The following OR52B2 variants were observed in gnomAD, a reference collection of about 807,000 sequenced individuals.
OR52B2 encodes olfactory receptor family 52 subfamily B member 2.
Under a neutral mutation model 12.8 loss-of-function variants are expected in OR52B2, and 16 were observed. The ratio of observed to expected loss-of-function variants is 1.25; its 90% confidence interval spans 0.85 to 1.90. The LOEUF (loss-of-function observed/expected upper bound fraction) is 1.90, where lower values mean the gene tolerates loss of function less well. OR52B2 is among the 40% of genes most tolerant of loss of function. OR52B2 has a pLI of 0.00. For missense variants in OR52B2, 465 were observed against 407.8 expected (o/e 1.14, Z -1.21); for synonymous variants, 169 against 152.2 (o/e 1.11, Z -0.81).
At position 6,169,695 on chromosome 11, in the gene OR52B2, A is replaced by G. The variant is rs1398363151; in HGVS notation, c.632T>C (p.Leu211Ser). 10 of 1,613,700 alleles carry G rather than the reference A, an allele frequency of 6.2e-6. No homozygotes were observed. Among genetic ancestry groups the G allele is most frequent in the Non-Finnish European group, 7.6e-6 (9 of 1,179,878 alleles). The change falls in exon 1 of 1, where the codon TTG (leucine) becomes TCG (serine). Residue 211 changes from leucine (L) to serine (S), a missense_variant. By Grantham distance (145) the Leu-to-Ser change is moderately radical (BLOSUM62 -2). Transcript: ENST00000530810. The part of the protein sequence containing the change: ...GFSVPIVMVI[L>S]DVILIAVSYS... ...AGACACAGCGATGAGGATAACATCC[A>G]AGATGACCATGACAATGGGCACTGA...
rs1420965004 is a variant in OR52B2 at position 6,169,862 on chromosome 11, G to C, written c.465C>G (p.Phe155Leu). 3 of 1,613,724 alleles carry C rather than the reference G, an allele frequency of 1.9e-6. No homozygotes were observed. Among genetic ancestry groups the C allele is most frequent in the Admixed American group, 3.3e-5 (2 of 59,960 alleles). Residue 155 changes from phenylalanine to leucine, a missense_variant, in exon 1 of 1, where the codon TTC becomes TTG. By Grantham distance (22) the Phe-to-Leu change is conservative (BLOSUM62 0). Coordinates refer to ENST00000530810, the MANE Select transcript of OR52B2 (RefSeq NM_001004052.1). ...AGAATATGACTGGGAAGATGATGCA[G>C]AAGCTTCGGGTGATGACGGCCAGAG... Reference protein sequence around the residue: ...RIALAVITRSFCIIFPVIFLL... With the variant: ...RIALAVITRSLCIIFPVIFLL...
Position 6,169,883 on chromosome 11 carries a change from C to T in OR52B2, c.444G>A (p.Leu148=), listed in dbSNP as rs1277943348. The change falls in exon 1 of 1, where the codon CTG becomes CTA. Residue 148 remains leucine (L), a synonymous_variant. Transcript: ENST00000530810. ...TGCAGAAGCTTCGGGTGATGACGGC[C>T]AGAGCAATCCTCCCCACAACAGGCC... The part of the protein sequence containing the change: ...LTWPVVGRIA[L]AVITRSFCII... The T allele has an allele frequency of 6.2e-7, 1 of 1,613,506 alleles. No homozygotes were observed. Among genetic ancestry groups the T allele is most frequent in the East Asian group, 2.2e-5 (1 of 44,880 alleles).
rs375777782 is a variant in OR52B2, at chr11:6,169,684, G to T, written c.643C>A (p.Leu215Ile). ...PIVMVILDVI[L>I]IAVSYSLILR... Reference sequence around the variant, plus strand: ...ATCAGTGAGTAAGACACAGCGATGAGGATAACATCCAAGATGACCATGACA... The same window carrying T: ...ATCAGTGAGTAAGACACAGCGATGATGATAACATCCAAGATGACCATGACA... The change falls in exon 1 of 1, where the codon CTC becomes ATC. Residue 215 changes from leucine (L) to isoleucine (I), a missense_variant. By Grantham distance (5) the Leu-to-Ile change is conservative. Coordinates refer to ENST00000530810, the MANE Select transcript of OR52B2 (RefSeq NM_001004052.1). The T allele has an allele frequency of 6.2e-7, 1 of 1,613,720 alleles. No homozygotes were observed. The highest frequency in any genetic ancestry group is 8.5e-7 in the Non-Finnish European group (1 of 1,179,860).
chr11:6,170,149 G>T lies in OR52B2; in HGVS notation c.178C>A (p.Pro60Thr), dbSNP rs1462316270. 3 of 1,613,682 alleles carry T rather than the reference G, an allele frequency of 1.9e-6. No homozygotes were observed. ...AGCATTGAGAGGAAGAAATACATGG[G>T]CACATGAAGGTTACGTTCCATGACA... ...VIVMERNLHV[P>T]MYFFLSMLAV... is the part of the protein sequence containing the mutation. Residue 60 changes from proline to threonine, a missense_variant, in exon 1 of 1, where the codon CCC (proline) becomes ACC (threonine). Coordinates refer to ENST00000530810, the MANE Select transcript of OR52B2 (RefSeq NM_001004052.1).
chr11:6,169,558 A>G lies in OR52B2; in HGVS notation c.769T>C (p.Ser257Pro), dbSNP rs1338393364. Residue 257 changes from serine (S) to proline (P), a missense_variant, in exon 1 of 1, where the codon TCC becomes CCC. By Grantham distance (74) the Ser-to-Pro change is moderately conservative (BLOSUM62 -1). Transcript: ENST00000530810. The part of the protein sequence containing the change: ...LCVILMFYVP[S>P]FFTLLTHHFG... ...TGATGGGTCAATAAGGTAAAGAAGG[A>G]TGGAACATAAAACATAAGGATGACA... 6.2e-7 allele frequency: 1 copy of G among 1,613,738 alleles called. No individual in the cohort carries two copies. The highest frequency in any genetic ancestry group is 1.3e-5 in the African/African-American group (1 of 74,834).
chr11:6,169,612 C>G lies in OR52B2; in HGVS notation c.715G>C (p.Ala239Pro). ...RLPSQDARHK[A>P]LSTCGSHLCV... Reference sequence around the variant, plus strand: ...AGGTGGGAGCCACAAGTGCTGAGGGCCTTGTGCCGAGCATCCTGGGAGGGC... The same window carrying G: ...AGGTGGGAGCCACAAGTGCTGAGGGGCTTGTGCCGAGCATCCTGGGAGGGC... Residue 239 changes from alanine (A) to proline (P), a missense_variant, in exon 1 of 1, where the codon GCC becomes CCC. Transcript: ENST00000530810. 6.2e-7 allele frequency: 1 copy of G among 1,613,796 alleles called. No individual in the cohort carries two copies. Among genetic ancestry groups the G allele is most frequent in the Non-Finnish European group, 8.5e-7 (1 of 1,179,866 alleles).
rs1169023015 is a variant in OR52B2, at chr11:6,170,087, C to G, written c.240G>C (p.Val80=). ...VMDILLSTTT[V]PKALAIFWLQ... ...GCCAAAAGATGGCTAGGGCCTTGGG[C>G]ACAGTGGTGGTAGACAGCAGGATGT... Residue 80 remains valine (V), a synonymous_variant, in exon 1 of 1, where the codon GTG becomes GTC. Coordinates refer to ENST00000530810, the MANE Select transcript of OR52B2 (RefSeq NM_001004052.1). 1.2e-6 allele frequency: 2 copies of G among 1,613,602 alleles called. No individual in the cohort carries two copies.
In OR52B2 at chr11:6,170,081, C is replaced by G. The variant is rs1446987850; in HGVS notation, c.246G>C (p.Lys82Asn). ...CTTGAAGCCAAAAGATGGCTAGGGC[C>G]TTGGGCACAGTGGTGGTAGACAGCA... ...DILLSTTTVP[K>N]ALAIFWLQAH... Residue 82 changes from lysine (K) to asparagine (N), a missense_variant, in exon 1 of 1, where the codon AAG (lysine) becomes AAC (asparagine). Lys to Asn is a moderately conservative substitution (Grantham distance 94). Transcript: ENST00000530810. 2 of 1,613,652 alleles carry G rather than the reference C, an allele frequency of 1.2e-6. No individual in the cohort carries two copies. Among genetic ancestry groups the G allele is most frequent in the Admixed American group, 3.3e-5 (2 of 59,972 alleles).
rs531964849 is a variant in OR52B2 at position 6,169,556 on chromosome 11, G to A, written c.771C>T (p.Ser257=). The A allele has an allele frequency of 2.5e-4, 407 of 1,613,812 alleles. 6 individuals are homozygous for A. The South Asian group carries it at 4.2e-3, about 17-fold the overall frequency. The change falls in exon 1 of 1, where the codon TCC becomes TCT. Residue 257 remains serine (S), a synonymous_variant. Transcript: ENST00000530810. ...LCVILMFYVP[S]FFTLLTHHFG... is the part of the protein sequence containing the mutation. ...AATGATGGGTCAATAAGGTAAAGAA[G>A]GATGGAACATAAAACATAAGGATGA...
At position 6,169,951 on chromosome 11, in the gene OR52B2, C is replaced by A. The variant is rs376576810; in HGVS notation, c.376G>T (p.Val126Leu). ...ILLAMAFDRF[V>L]AICAPLRYTT... is the part of the protein sequence containing the mutation. ...TATCTCAGTGGGGCACAAATGGCCA[C>A]AAAGCGATCAAAGGCCATGGCTAAC... The change falls in exon 1 of 1, where the codon GTG becomes TTG. Residue 126 changes from valine to leucine, a missense_variant. Val to Leu is a conservative substitution (Grantham distance 32, BLOSUM62 1). Coordinates refer to ENST00000530810, the MANE Select transcript of OR52B2 (RefSeq NM_001004052.1). 6.2e-7 allele frequency: 1 copy of A among 1,613,712 alleles called. No homozygotes were observed. Among genetic ancestry groups the A allele is most frequent in the African/African-American group, 1.3e-5 (1 of 74,854 alleles).
Position 6,169,822 on chromosome 11 carries a change from G to A in OR52B2, c.505C>T (p.Pro169Ser). The A allele has an allele frequency of 1.2e-6, 2 of 1,613,760 alleles. No individual in the cohort carries two copies. The highest frequency in any genetic ancestry group is 1.7e-6 in the Non-Finnish European group (2 of 1,179,846). ...GGAACAATGTTGGTTAGGCAGAAGG[G>A]CAGCCGCTTCAGCAAGAATATGACT... is the stretch of plus-strand genomic sequence containing the variant. ...FPVIFLLKRL[P>S]FCLTNIVPHS... Residue 169 changes from proline (P) to serine (S), a missense_variant, in exon 1 of 1, where the codon CCC becomes TCC. Transcript: ENST00000530810.
rs1490340011 is a variant in OR52B2, at chr11:6,169,632, G to A, written c.695C>T (p.Ser232Phe). 2 of 1,613,872 alleles carry A rather than the reference G, an allele frequency of 1.2e-6. No individual in the cohort carries two copies. The highest frequency in any genetic ancestry group is 1.1e-5 in the South Asian group (1 of 91,086). The change falls in exon 1 of 1, where the codon TCC becomes TTC. Residue 232 changes from serine to phenylalanine, a missense_variant. Transcript: ENST00000530810. ...GAGGGCCTTGTGCCGAGCATCCTGG[G>A]AGGGCAAACGAAACACTGCTCGGAG... ...LILRAVFRLP[S>F]QDARHKALST...
chr11:6,170,243 C>A lies in OR52B2; in HGVS notation c.84G>T (p.Trp28Cys). 2 of 1,613,330 alleles carry A rather than the reference C, an allele frequency of 1.2e-6. No homozygotes were observed. The highest frequency in any genetic ancestry group is 1.1e-5 in the South Asian group (1 of 91,082). ...GIPGLEAYHI[W>C]LSIPLCLIYI... is the part of the protein sequence containing the mutation. ...AAATGAGGCAAAGAGGTATTGACAGCCAAATGTGATAAGCCTCCAACCCAG... is the reference window on the plus strand; with the variant it reads ...AAATGAGGCAAAGAGGTATTGACAGACAAATGTGATAAGCCTCCAACCCAG... The change falls in exon 1 of 1, where the codon TGG becomes TGT. Residue 28 changes from tryptophan (W) to cysteine (C), a missense_variant. Physicochemically the swap from Trp to Cys is radical, Grantham distance 215. Coordinates refer to ENST00000530810, the MANE Select transcript of OR52B2 (RefSeq NM_001004052.1).
Position 6,170,102 on chromosome 11 carries a change from C to T in OR52B2, c.225G>A (p.Leu75=). 6.2e-7 allele frequency: 1 copy of T among 1,613,804 alleles called. No homozygotes were observed. The highest frequency in any genetic ancestry group is 8.5e-7 in the Non-Finnish European group (1 of 1,179,890). Reference sequence around the variant, plus strand: ...GGGCCTTGGGCACAGTGGTGGTAGACAGCAGGATGTCCATGACGGCCAGCA... The same window carrying T: ...GGGCCTTGGGCACAGTGGTGGTAGATAGCAGGATGTCCATGACGGCCAGCA... ...LSMLAVMDIL[L]STTTVPKALA... The change falls in exon 1 of 1, where the codon CTG becomes CTA. Residue 75 remains leucine, a synonymous_variant. Transcript: ENST00000530810.
chr11:6,170,233 G>A lies in OR52B2; in HGVS notation c.94C>T (p.Pro32Ser). ...GCAGTGATGTAAATGAGGCAAAGAG[G>A]TATTGACAGCCAAATGTGATAAGCC... ...LEAYHIWLSI[P>S]LCLIYITAVL... Residue 32 changes from proline (P) to serine (S), a missense_variant, in exon 1 of 1, where the codon CCT (proline) becomes TCT (serine). Physicochemically the swap from Pro to Ser is moderately conservative, Grantham distance 74. Transcript: ENST00000530810. 1.2e-6 allele frequency: 2 copies of A among 1,613,536 alleles called. No individual in the cohort carries two copies. Among genetic ancestry groups the A allele is most frequent in the South Asian group, 1.1e-5 (1 of 91,078 alleles).
chr11:6,170,010 A>T lies in OR52B2; in HGVS notation c.317T>A (p.Val106Asp), dbSNP rs765813891. 2 of 1,613,838 alleles carry T rather than the reference A, an allele frequency of 1.2e-6. No individual in the cohort carries two copies. Among genetic ancestry groups the T allele is most frequent in the Non-Finnish European group, 1.7e-6 (2 of 1,179,878 alleles). The stretch of plus-strand genomic sequence containing the variant: ...TGACTCCCCCACAAACATCATATGG[A>T]CAAAGAAGCCTTGGGTGACACAGGC... Reference protein sequence around the residue: ...FDACVTQGFFVHMMFVGESAI... With the variant: ...FDACVTQGFFDHMMFVGESAI... The change falls in exon 1 of 1, where the codon GTC (valine) becomes GAC (aspartate). Residue 106 changes from valine (V) to aspartate (D), a missense_variant. Physicochemically the swap from Val to Asp is radical, Grantham distance 152. Coordinates refer to ENST00000530810, the MANE Select transcript of OR52B2 (RefSeq NM_001004052.1).
In OR52B2 at chr11:6,169,918, C is replaced by T; in HGVS notation, c.409G>A (p.Val137Met). ...AICAPLRYTT[V>M]LTWPVVGRIA... is the part of the protein sequence containing the mutation. ...CTCCCCACAACAGGCCATGTTAGCA[C>T]TGTTGTATATCTCAGTGGGGCACAA... Residue 137 changes from valine (V) to methionine (M), a missense_variant, in exon 1 of 1, where the codon GTG becomes ATG. Coordinates refer to ENST00000530810, the MANE Select transcript of OR52B2 (RefSeq NM_001004052.1). The T allele has an allele frequency of 6.2e-7, 1 of 1,613,760 alleles. No individual in the cohort carries two copies. The highest frequency in any genetic ancestry group is 8.5e-7 in the Non-Finnish European group (1 of 1,179,884).
Position 6,170,071 on chromosome 11 carries a change from TG to T in OR52B2, c.255del (p.Ile86SerfsTer23). ...LSTTTVPKAL[A>X]IFWLQAHNIA... is the part of the protein sequence containing the mutation. ...ATGTTATGTGCTTGAAGCCAAAAGA[TG>T]GCTAGGGCCTTGGGCACAGTGGTGG... On this transcript the variant is annotated frameshift_variant, in exon 1 of 1. Transcript: ENST00000530810. LOFTEE classifies it high-confidence loss of function. The T allele has an allele frequency of 5.0e-6, 8 of 1,613,768 alleles. No homozygotes were observed. Among genetic ancestry groups the T allele is most frequent in the Non-Finnish European group, 6.8e-6 (8 of 1,179,868 alleles).
Position 6,169,730 on chromosome 11 carries a change from C to A in OR52B2, c.597G>T (p.Trp199Cys). Residue 199 changes from tryptophan (W) to cysteine (C), a missense_variant, in exon 1 of 1, where the codon TGG (tryptophan) becomes TGT (cysteine). By Grantham distance (215) the Trp-to-Cys change is radical. Transcript: ENST00000530810. ...TGACAATGGGCACTGAGAAGCCATA[C>A]CAAATGTTAACAGTGATGTCAGCAC... ...LACADITVNI[W>C]YGFSVPIVMV... The A allele has an allele frequency of 6.2e-7, 1 of 1,613,636 alleles. No homozygotes were observed. Among genetic ancestry groups the A allele is most frequent in the South Asian group, 1.1e-5 (1 of 91,068 alleles).
Sources: gnomAD v4.1 joint callset for allele counts on GRCh38, gnomAD v4.1.1 for gene constraint, MANE v1.5 for transcripts, NCBI Gene and HGNC (gene_info 2026-07-23, HGNC 2026-07-21) for gene names.